NUP188: variants seen among roughly 807,000 people sequenced by gnomAD.
The protein encoded by NUP188 is nucleoporin 188.
Under a neutral mutation model 223.0 loss-of-function variants are expected in NUP188, and 97 were observed. That is an observed-to-expected ratio of 0.43 (90% CI 0.37 to 0.51). The LOEUF is 0.51. Ranked by LOEUF, NUP188 falls within the 20% of genes least tolerant of loss-of-function variation. NUP188 has a pLI of 0.00. For synonymous variants in NUP188, 869 were observed against 828.0 expected, an observed-to-expected ratio of 1.05 and a Z score of -0.85; for missense variants, 1,947 against 2,175.6, an observed-to-expected ratio of 0.89 and a Z score of 2.09.
At chr9:128,992,737 T>C (rs963153032) in intron 25 of NUP188, among the ~76,000 whole-genome samples, 1 of 152,250 alleles carries the variant, frequency 6.6e-6, no homozygotes, top group African/African-American at 2.4e-5. Context: ...CAGTGAACAT[T>C]ATTATCCCTA....
At chr9:128,987,999 T>C in intron 23 of NUP188, 48 bp from the exon 24 acceptor site, 1 of 1,599,978 alleles carries the variant, frequency 6.3e-7, no homozygotes, top group Non-Finnish European at 8.6e-7. Context: ...ATATTGCGAA[T>C]GAAGTCATAC....
rs778024874 is a variant in NUP188 at position 129,005,481 on chromosome 9, C to T, written c.4688C>T (p.Ala1563Val). ...CTCAAGATCCTCAGCAAGACGCTGGCAGCCCTGCGCCACTTCACCCCAGAT... is the reference window on the plus strand; with the variant it reads ...CTCAAGATCCTCAGCAAGACGCTGGTAGCCCTGCGCCACTTCACCCCAGAT... The part of the protein sequence containing the change: ...GLLKILSKTL[A>V]ALRHFTPDVC... Residue 1563 changes from alanine to valine, a missense_variant, in exon 40 of 44, where the codon GCA becomes GTA. Ala to Val is a moderately conservative substitution (Grantham distance 64). Coordinates refer to ENST00000372577, the MANE Select transcript of NUP188 (RefSeq NM_015354.3). 2 of 1,605,854 alleles carry T rather than the reference C, an allele frequency of 1.2e-6. No individual in the cohort carries two copies. The highest frequency in any genetic ancestry group is 2.7e-5 in the African/African-American group (2 of 74,942).
rs554274150 is a variant in NUP188 at position 128,948,832 on chromosome 9, TCTC to T, written c.33-354_33-352del. 350 of 156,436 alleles carry T rather than the reference TCTC, an allele frequency of 2.2e-3. 2 individuals carry two copies. Among genetic ancestry groups the T allele is most frequent in the African/African-American group, 8.2e-3 (328 of 40,044 alleles). 9.7% of individuals were successfully genotyped at this position (156,436 alleles called of 1,614,324 possible). A position where few individuals can be genotyped will look rare whatever the true frequency, so the allele number is the denominator to read the frequency against. On this transcript the variant is annotated intron_variant, in intron 1 of 43. Coordinates refer to ENST00000372577, the MANE Select transcript of NUP188 (RefSeq NM_015354.3). ...GCTCTGTCTCCCGGGTTCATGCCAT[TCTC>T]CTGCCTCAGCCTCCCAAGTAGCTGG...
intron 8 of NUP188, among the ~76,000 whole-genome samples, chr9:128,962,844 A>G (rs539394467): frequency 9.2e-5 from 14 of 152,222 alleles, no homozygotes; most frequent in Non-Finnish European, 1.8e-4. Context: ...TTGATTCAGC[A>G]GTTTTTTGTT....
chr9:129,004,514 AT>A (rs1221883883), intron 38 of NUP188: 2 of 151,900 alleles, frequency 1.3e-5, no homozygotes. Context: ...TTATTTATTT[AT>A]TTATTTTGAG....
In NUP188 at chr9:129,005,998, T is replaced by G. The variant is rs373318170; in HGVS notation, c.4870-52T>G. 6 of 1,592,786 alleles carry G rather than the reference T, an allele frequency of 3.8e-6. No homozygotes were observed. In the African/African-American group the frequency reaches 8.1e-5, roughly 21 times the overall value. ...GGACATGCAAGTAGGAAGCTCTCAG[T>G]AAGTGGGAGCTGTTCCTGTTGTCTT... On this transcript the variant is annotated intron_variant, in intron 41 of 43. Coordinates refer to ENST00000372577, the MANE Select transcript of NUP188 (RefSeq NM_015354.3).
In NUP188 at chr9:129,006,869, C is replaced by T; in HGVS notation, c.*191C>T. The T allele has an allele frequency of 3.7e-6, 2 of 534,590 alleles. No homozygotes were observed. Among genetic ancestry groups the T allele is most frequent in the Middle Eastern group, 4.9e-4 (1 of 2,044 alleles). 33.1% of individuals were successfully genotyped at this position (534,590 alleles called of 1,614,324 possible). ...ACTAGATGAAGAGGTCAACAGCAGG[C>T]ATGGGGAGCCGAGTCTTCTGTGCTC... is the stretch of plus-strand genomic sequence containing the variant. On this transcript the variant is annotated 3_prime_UTR_variant, in exon 44 of 44. Transcript: ENST00000372577.
chr9:128,980,789 T>C, intron 14 of NUP188, 64 bp downstream of exon 14: 2 of 1,560,098 alleles, frequency 1.3e-6, no homozygotes, highest in Non-Finnish European at 1.8e-6. Flanking sequence ...TTATTAGGAA[T>C]CTTTTTTGCT....
At chr9:128,960,088 G>T (rs1841925859) in intron 8 of NUP188, among the ~76,000 whole-genome samples, 1 of 120,736 alleles carries the variant, frequency 8.3e-6, no homozygotes. Context: ...TTTTGAGACA[G>T]AGTCTCACTC....
chr9:128,969,452 A>C lies in NUP188; in HGVS notation c.850A>C (p.Lys284Gln). The change falls in exon 10 of 44, where the codon AAG (lysine) becomes CAG (glutamine). Residue 284 changes from lysine to glutamine, a missense_variant. By Grantham distance (53) the Lys-to-Gln change is moderately conservative. Around this residue, in one of 3 missense-constraint regions of NUP188, gnomAD observed 817 missense variants for 865.8 expected, o/e 0.94. Coordinates refer to ENST00000372577, the MANE Select transcript of NUP188 (RefSeq NM_015354.3). ...GGGCATGGATATCGAGTCCTTGCAT[A>C]AGTGTGCTTTGGATGACAGAAGAGA... is the stretch of plus-strand genomic sequence containing the variant. The part of the protein sequence containing the change: ...VEGMDIESLH[K>Q]CALDDRRELH... The C allele has an allele frequency of 6.2e-7, 1 of 1,607,030 alleles. No homozygotes were observed. The highest frequency in any genetic ancestry group is 8.5e-7 in the Non-Finnish European group (1 of 1,177,930).
chr9:129,002,743 C>T lies in NUP188; in HGVS notation c.4138-74C>T, dbSNP rs967508831. The T allele has an allele frequency of 1.3e-5, 20 of 1,493,508 alleles. No homozygotes were observed. The African/African-American group carries it at 2.6e-4, about 20-fold the overall frequency. The allele number at this position is 1,493,508 out of a possible 1,614,324, so 92.5% of individuals were successfully genotyped here. On this transcript the variant is annotated intron_variant, in intron 36 of 43. Transcript: ENST00000372577. The stretch of plus-strand genomic sequence containing the variant: ...TTTTCCTTTCAGCGCAGCTGGGCTG[C>T]CTTAGTTGCTGTACTACAAGGAGGT...
intron 30 of NUP188, 140 bp from the exon 31 acceptor site, chr9:128,998,011 G>T (rs1227742312): frequency 5.9e-6 from 4 of 681,184 alleles, no homozygotes; most frequent in Non-Finnish European, 1.1e-5. Context: ...GAGCCACCAC[G>T]CCCGGCCTAT....
intron 8 of NUP188, among the ~76,000 whole-genome samples, chr9:128,966,611 T>A (rs1473416852): frequency 1.3e-5 from 2 of 152,120 alleles, no homozygotes; most frequent in South Asian, 2.1e-4. Context: ...GTGCTGGGAT[T>A]ACAGGTGTGA....
At chr9:128,966,452 C>G (rs961798042) in intron 8 of NUP188, among the ~76,000 whole-genome samples, 1 of 151,882 alleles carries the variant, frequency 6.6e-6, no homozygotes, top group Non-Finnish European at 1.5e-5. Flanking sequence ...TCACGGCTCA[C>G]TGCAGCCTTG....
At chr9:128,995,287 A>G (rs1339587875) in intron 29 of NUP188, 32 bp from the exon 30 acceptor site, 1 of 1,571,094 alleles carries the variant, frequency 6.4e-7, no homozygotes, top group African/African-American at 1.4e-5. Context: ...TGCTTTCAAA[A>G]TCTAACTGGA....
intron 27 of NUP188, 142 bp from the exon 28 acceptor site, chr9:128,994,231 T>C: frequency 1.5e-6 from 1 of 654,046 alleles, no homozygotes; most frequent in Non-Finnish European, 2.8e-6. Flanking sequence ...CTTTCATTTA[T>C]ACGGGAACAA....
At chr9:128,984,422 G>A (rs1329339265) in intron 19 of NUP188, among the ~76,000 whole-genome samples, 4 of 152,094 alleles carry the variant, frequency 2.6e-5, no homozygotes, top group Admixed American at 6.5e-5. Flanking sequence ...CATGGTGCCC[G>A]GCCGAGAGCA....
chr9:128,954,284 G>A (rs1156764727), intron 3 of NUP188, among the ~76,000 whole-genome samples: 4 of 148,510 alleles, frequency 2.7e-5, no homozygotes, highest in Non-Finnish European at 6.0e-5. Flanking sequence ...GCACGATCTC[G>A]GCTCACTGCA....
chr9:128,954,910 A>G (rs55952725), intron 3 of NUP188, among the ~76,000 whole-genome samples: 58,891 of 150,856 alleles, frequency 0.39, 11,664 homozygotes, highest in Admixed American at 0.43. Flanking sequence ...CTCGCGTGCA[A>G]TGGTGCGATT....
Sources: allele counts gnomAD v4.1 joint callset (sites outside exome capture counted in the v4.1 genomes callset), GRCh38; gene constraint gnomAD v4.1.1; regional missense constraint gnomAD v4.1.1; transcripts MANE v1.5; gene names NCBI Gene and HGNC (gene_info 2026-07-23, HGNC 2026-07-21).